Variants in EYS observed in about 807,000 individuals in gnomAD.
EYS encodes EGF-like photoreceptor maintenance factor.
In EYS, 250 loss-of-function variants were observed where a neutral mutation model predicts 282.1. That is an observed-to-expected ratio of 0.89 (90% CI 0.80 to 0.98). The LOEUF is 0.98. Ranked by LOEUF, EYS falls within the 50% of genes least tolerant of loss-of-function variation. EYS has a pLI of 0.00. For missense variants in EYS, 4,016 were observed against 3,709.0 expected, an observed-to-expected ratio of 1.08 and a Z score of -2.15; for synonymous variants, 1,355 against 1,282.9, an observed-to-expected ratio of 1.06 and a Z score of -1.20.
At position 65,036,770 on chromosome 6, in the gene EYS, T is replaced by A. The variant is rs1467348061; in HGVS notation, c.2137+20844A>T. Among the ~76,000 whole-genome samples, 3 of 152,000 alleles carry A rather than the reference T, an allele frequency of 2.0e-5. No individual in the cohort carries two copies. The East Asian group carries it at 5.8e-4, about 29-fold the overall frequency. On this transcript the variant is annotated intron_variant, in intron 13 of 42. Transcript: ENST00000503581. ...AAAACCACATTGAGATACCATCTCA[T>A]ACCCACTCAGAATGGCTATCCTTAA...
chr6:65,595,657 A>AG (rs1205664157), intron 2 of EYS, among the ~76,000 whole-genome samples: 1 of 151,688 alleles, frequency 6.6e-6, no homozygotes, highest in Non-Finnish European at 1.5e-5. Flanking sequence ...CTCAAAAAAA[A>AG]AAAAATCAGT....
At chr6:64,386,909 A>G (rs1370102852) in intron 29 of EYS, among the ~76,000 whole-genome samples, 1 of 152,170 alleles carries the variant, frequency 6.6e-6, no homozygotes, top group Non-Finnish European at 1.5e-5. Flanking sequence ...CAGAGTGAAC[A>G]TAGCATGATG....
At chr6:65,311,786 C>T (rs1769168102) in intron 11 of EYS, among the ~76,000 whole-genome samples, 2 of 152,132 alleles carry the variant, frequency 1.3e-5, no homozygotes, top group South Asian at 2.1e-4. Flanking sequence ...AATTATCACT[C>T]ATTATGTATC....
intron 26 of EYS, among the ~76,000 whole-genome samples, chr6:64,550,796 A>G (rs1056005404): frequency 1.4e-4 from 22 of 152,096 alleles, no homozygotes; most frequent in African/African-American, 5.1e-4. Context: ...CAAAAATCAC[A>G]AGCATTCTTA....
chr6:64,443,967 G>A (rs936130903), intron 26 of EYS, among the ~76,000 whole-genome samples: 1 of 152,196 alleles, frequency 6.6e-6, no homozygotes, highest in Admixed American at 6.5e-5. Flanking sequence ...GAGGGCCAAA[G>A]AAGGATAACA....
intron 33 of EYS, among the ~76,000 whole-genome samples, chr6:64,030,238 A>G (rs1363025705): frequency 1.3e-5 from 2 of 152,160 alleles, no homozygotes; most frequent in African/African-American, 2.4e-5. Context: ...AGAGGAAGAG[A>G]CAAAGAAGAA....
chr6:65,434,439 G>A (rs2150386830), intron 5 of EYS, among the ~76,000 whole-genome samples: 1 of 151,690 alleles, frequency 6.6e-6, no homozygotes, highest in Admixed American at 6.6e-5. Context: ...TCCTGCCTCA[G>A]CCTCCCGAGT....
At chr6:64,547,803 G>A (rs1307189148) in intron 26 of EYS, among the ~76,000 whole-genome samples, 2 of 152,210 alleles carry the variant, frequency 1.3e-5, no homozygotes, top group Admixed American at 6.5e-5. Flanking sequence ...GGCTCGGGCT[G>A]CGCAGGAGCC....
intron 39 of EYS, among the ~76,000 whole-genome samples, chr6:63,780,650 C>A (rs1023126031): frequency 6.6e-6 from 1 of 152,098 alleles, no homozygotes; most frequent in Non-Finnish European, 1.5e-5. Flanking sequence ...GGATATTAGC[C>A]TTTTGTCAGA....
rs1007699066 is a variant in EYS, at chr6:63,999,150, A to G, written c.6759T>C (p.Val2253=). ...CATCTGCAGTCATTTCAATCATACA[A>G]ACAACTCCAGGGCTGCCAACAGGCG... ...YTTPVGSPGV[V]CMIEMTADGK... The change falls in exon 34 of 43, where the codon GTT becomes GTC. Residue 2253 remains valine, a synonymous_variant. Coordinates refer to ENST00000503581, the MANE Select transcript of EYS (RefSeq NM_001142800.2). The G allele has an allele frequency of 6.4e-7, 1 of 1,551,478 alleles. No individual in the cohort carries two copies. Among genetic ancestry groups the G allele is most frequent in the Non-Finnish European group, 8.7e-7 (1 of 1,146,764 alleles).
chr6:64,468,529 G>A (rs1582792172), intron 26 of EYS, among the ~76,000 whole-genome samples: 1 of 152,028 alleles, frequency 6.6e-6, no homozygotes, highest in East Asian at 1.9e-4. Flanking sequence ...TATGTTCAGG[G>A]GTACGTGTGC....
chr6:64,447,259 T>C (rs996198348), intron 26 of EYS, among the ~76,000 whole-genome samples: 6 of 152,138 alleles, frequency 3.9e-5, no homozygotes, highest in Non-Finnish European at 7.4e-5. Context: ...AATCTCTGCA[T>C]ATTTAATACT....
At chr6:65,586,748 C>T (rs1056180180) in intron 2 of EYS, among the ~76,000 whole-genome samples, 1 of 151,944 alleles carries the variant, frequency 6.6e-6, no homozygotes, top group Non-Finnish European at 1.5e-5. Context: ...AAAAAATAAA[C>T]CCATTGACAT....
chr6:63,823,096 A>T (rs1335351505), intron 36 of EYS, among the ~76,000 whole-genome samples: 1 of 152,154 alleles, frequency 6.6e-6, no homozygotes, highest in Non-Finnish European at 1.5e-5. Flanking sequence ...CTAGTATTGA[A>T]TAACCTTGGT....
At chr6:63,775,946 A>G (rs1324873614) in intron 40 of EYS, among the ~76,000 whole-genome samples, 1 of 152,194 alleles carries the variant, frequency 6.6e-6, no homozygotes, top group Non-Finnish European at 1.5e-5. Flanking sequence ...TCTGTAGTAT[A>G]TCTTCATAGT....
intron 1 of EYS, among the ~76,000 whole-genome samples, chr6:65,661,548 T>C (rs1025318480): frequency 1.3e-5 from 2 of 152,034 alleles, no homozygotes; most frequent in Non-Finnish European, 2.9e-5. Flanking sequence ...AATAATACAA[T>C]TTTGAATGAA....
chr6:64,332,969 T>A (rs1770700840), intron 29 of EYS, among the ~76,000 whole-genome samples: 1 of 152,202 alleles, frequency 6.6e-6, no homozygotes, highest in African/African-American at 2.4e-5. Flanking sequence ...AAGCCATTTA[T>A]ACTTTCACCT....
At chr6:64,890,674 A>G (rs557631635) in intron 18 of EYS, among the ~76,000 whole-genome samples, 1 of 152,266 alleles carries the variant, frequency 6.6e-6, no homozygotes, top group South Asian at 2.1e-4. Context: ...AACATTTATC[A>G]TGTAACTTAT....
At chr6:63,836,680 A>C (rs920459891) in intron 36 of EYS, among the ~76,000 whole-genome samples, 2 of 152,102 alleles carry the variant, frequency 1.3e-5, no homozygotes, top group Admixed American at 1.3e-4. Flanking sequence ...AAATATTAAA[A>C]AAAATTTTTT....
Sources: allele counts gnomAD v4.1 joint callset (sites outside exome capture counted in the v4.1 genomes callset), GRCh38; gene constraint gnomAD v4.1.1; transcripts MANE v1.5; gene names NCBI Gene and HGNC (gene_info 2026-07-23, HGNC 2026-07-21).